Variants in RPRD1A observed in about 807,000 individuals in gnomAD.
The protein encoded by RPRD1A is regulation of nuclear pre-mRNA domain-containing protein 1A.
In RPRD1A, 9 loss-of-function variants were observed where a neutral mutation model predicts 37.8. The ratio of observed to expected loss-of-function variants is 0.24; its 90% confidence interval spans 0.14 to 0.42. The LOEUF is 0.42. Ranked by LOEUF, RPRD1A falls within the 10% of genes least tolerant of loss-of-function variation. The probability of loss-of-function intolerance (pLI) is 1.00; values close to 1 mark genes in which losing one functional copy is unlikely to be tolerated. For synonymous variants in RPRD1A, 138 were observed against 139.7 expected, an observed-to-expected ratio of 0.99 and a Z score of 0.08; for missense variants, 255 against 371.0, an observed-to-expected ratio of 0.69 and a Z score of 2.57.
chr18:36,002,424 A>AT (rs35951708), intron 6 of RPRD1A, among the ~76,000 whole-genome samples: 5 of 151,802 alleles, frequency 3.3e-5, no homozygotes, highest in African/African-American at 9.7e-5. Flanking sequence ...CATTCTTATT[A>AT]TTTTTTTTAC....
chr18:36,054,098 A>T (rs941988162), intron 1 of RPRD1A, among the ~76,000 whole-genome samples: 3 of 152,246 alleles, frequency 2.0e-5, no homozygotes, highest in Non-Finnish European at 4.4e-5. Context: ...CTACAAAAAA[A>T]GATCATCAAG....
intron 6 of RPRD1A, among the ~76,000 whole-genome samples, chr18:36,013,653 C>A (rs72883043): frequency 2.6e-3 from 398 of 152,248 alleles, no homozygotes; most frequent in Non-Finnish European, 4.4e-3. Flanking sequence ...CAAAGACCTG[C>A]GCCATTTTTG....
At chr18:36,045,616 C>CGG (rs1912897304) in intron 1 of RPRD1A, among the ~76,000 whole-genome samples, 1 of 152,200 alleles carries the variant, frequency 6.6e-6, no homozygotes, top group African/African-American at 2.4e-5. Flanking sequence ...ACTGAAAGCT[C>CGG]TATCACACCT....
intron 6 of RPRD1A, among the ~76,000 whole-genome samples, chr18:36,009,557 T>C (rs1334276215): frequency 6.6e-6 from 1 of 152,256 alleles, no homozygotes; most frequent in Non-Finnish European, 1.5e-5. Context: ...CTGTGAATAC[T>C]GCCTATTCTG....
rs542348601 is a variant in RPRD1A, at chr18:36,005,126, C to A, written c.790-11826G>T. Among the ~76,000 whole-genome samples, 5 of 152,116 alleles carry A rather than the reference C, an allele frequency of 3.3e-5. No homozygotes were observed. In the South Asian group the frequency reaches 1.0e-3, roughly 32 times the overall value. ...ACCATTGTGGCTAACACGGTGAAAC[C>A]CCGTCTCCGCTAAAAATACAAAAAA... is the stretch of plus-strand genomic sequence containing the variant. On this transcript the variant is annotated intron_variant, in intron 6 of 6. Transcript: ENST00000399022.
At chr18:36,042,392 C>T (rs1912643995) in intron 1 of RPRD1A, among the ~76,000 whole-genome samples, 1 of 152,188 alleles carries the variant, frequency 6.6e-6, no homozygotes, top group Non-Finnish European at 1.5e-5. Flanking sequence ...CTAATTTGAT[C>T]AACATTTACT....
At position 36,027,273 on chromosome 18, in the gene RPRD1A, T is replaced by G; in HGVS notation, c.524A>C (p.Asn175Thr). The G allele has an allele frequency of 1.2e-6, 2 of 1,613,674 alleles. No homozygotes were observed. Among genetic ancestry groups the G allele is most frequent in the Non-Finnish European group, 1.7e-6 (2 of 1,179,622 alleles). ...DLVRALQDLE[N>T]AASGDAAVHQ... Reference sequence around the variant, plus strand: ...AACTGCTGCATCACCTGAGGCTGCATTTTCCAGATCTTGTAATGCTCTAAC... The same window carrying G: ...AACTGCTGCATCACCTGAGGCTGCAGTTTCCAGATCTTGTAATGCTCTAAC... The change falls in exon 5 of 7, where the codon AAT becomes ACT. Residue 175 changes from asparagine to threonine, a missense_variant. Physicochemically the swap from Asn to Thr is moderately conservative, Grantham distance 65 (BLOSUM62 0). Around this residue, in one of 2 missense-constraint regions of RPRD1A, gnomAD observed 211 missense variants for 268.9 expected, o/e 0.78. Transcript: ENST00000399022.
At chr18:36,061,167 T>G (rs1410614238) in intron 1 of RPRD1A, among the ~76,000 whole-genome samples, 1 of 152,178 alleles carries the variant, frequency 6.6e-6, no homozygotes, top group African/African-American at 2.4e-5. Context: ...GATTTCCCTC[T>G]AACTAAAGAT....
At position 36,012,529 on chromosome 18, in the gene RPRD1A, AG is replaced by A. The variant is rs1910243804; in HGVS notation, c.789+14370del. Among the ~76,000 whole-genome samples the A allele has an allele frequency of 2.6e-5, 4 of 152,352 alleles. No homozygotes were observed. The South Asian group carries it at 6.2e-4, about 24-fold the overall frequency. On this transcript the variant is annotated intron_variant, in intron 6 of 6. Coordinates refer to ENST00000399022, the MANE Select transcript of RPRD1A (RefSeq NM_018170.5). ...AACATGCTATAGAGGTTTGTAGCCT[AG>A]AAGCAATAGGCTATACCATAAAGCC...
rs375823185 is a variant in RPRD1A, at chr18:35,991,498, G to A, written c.*1653C>T. On this transcript the variant is annotated 3_prime_UTR_variant, in exon 7 of 7. Transcript: ENST00000399022. ...CTATGATTAGTAACCTGTGAACCACGTTACAAGTGAAGGACATTCATGGTT... is the reference window on the plus strand; with the variant it reads ...CTATGATTAGTAACCTGTGAACCACATTACAAGTGAAGGACATTCATGGTT... 2.0e-5 allele frequency: 3 copies of A among 152,296 alleles called. No individual in the cohort carries two copies. The highest frequency in any genetic ancestry group is 6.5e-5 in the Admixed American group (1 of 15,294). The allele number at this position is 152,296 out of a possible 1,614,324, so 9.4% of individuals were successfully genotyped here.
At position 35,991,181 on chromosome 18, in the gene RPRD1A, A is replaced by G. The variant is rs1310388483; in HGVS notation, c.*1970T>C. On this transcript the variant is annotated 3_prime_UTR_variant, in exon 7 of 7. Coordinates refer to ENST00000399022, the MANE Select transcript of RPRD1A (RefSeq NM_018170.5). ...AAATGGAAAAAAATATATATTTTGA[A>G]TGGATAAATCACCACTTTAGCAGAT... The G allele has an allele frequency of 6.6e-6, 1 of 152,238 alleles. No individual in the cohort carries two copies. The highest frequency in any genetic ancestry group is 1.5e-5 in the Non-Finnish European group (1 of 68,038). 9.4% of individuals were successfully genotyped at this position (152,238 alleles called of 1,614,324 possible).
At chr18:36,035,652 T>C (rs1264612869) in intron 1 of RPRD1A, among the ~76,000 whole-genome samples, 1 of 152,188 alleles carries the variant, frequency 6.6e-6, no homozygotes, top group Admixed American at 6.5e-5. Context: ...TATTTTACAA[T>C]GTTAGCAGCA....
chr18:35,996,779 C>A (rs1909089601), intron 6 of RPRD1A, among the ~76,000 whole-genome samples: 1 of 151,784 alleles, frequency 6.6e-6, no homozygotes. Flanking sequence ...GAGTTTGAGA[C>A]CAGCCTGGGC....
At chr18:36,058,998 T>C (rs769181805) in intron 1 of RPRD1A, among the ~76,000 whole-genome samples, 2 of 152,156 alleles carry the variant, frequency 1.3e-5, no homozygotes, top group Non-Finnish European at 2.9e-5. Flanking sequence ...GCAAATATAA[T>C]TGGTTTTCAT....
chr18:36,049,058 C>G (rs1407030865), intron 1 of RPRD1A, among the ~76,000 whole-genome samples: 2 of 152,134 alleles, frequency 1.3e-5, no homozygotes, highest in Non-Finnish European at 2.9e-5. Flanking sequence ...TGCGCCACCA[C>G]TGCCGGCTAA....
chr18:36,030,821 C>T lies in RPRD1A; in HGVS notation c.473G>A (p.Ser158Asn). ...TAAAATTTCTACCTGTGGTGGTTCA[C>T]TTGGAGATCCCAGAGAGGAACAGTT... ...NENCSSLGSP[S>N]EPPQTLDLVR... Residue 158 changes from serine to asparagine, a missense_variant, in exon 4 of 7, where the codon AGT becomes AAT. Physicochemically the swap from Ser to Asn is conservative, Grantham distance 46. Around this residue, in one of 2 missense-constraint regions of RPRD1A, gnomAD observed 211 missense variants for 268.9 expected, o/e 0.78. Coordinates refer to ENST00000399022, the MANE Select transcript of RPRD1A (RefSeq NM_018170.5). 6.2e-7 allele frequency: 1 copy of T among 1,609,754 alleles called. No homozygotes were observed. The highest frequency in any genetic ancestry group is 1.3e-5 in the African/African-American group (1 of 74,902).
intron 6 of RPRD1A, chr18:36,026,550 G>A: frequency 5.5e-6 from 1 of 182,682 alleles, no homozygotes. Context: ...TCTCAAAACA[G>A]AAACTAAATA....
intron 3 of RPRD1A, 21 bp downstream of exon 3, chr18:36,030,970 A>G: frequency 2.5e-6 from 4 of 1,593,092 alleles, no homozygotes; most frequent in Non-Finnish European, 2.6e-6. Flanking sequence ...TCAAGGTAAG[A>G]GATCAGGATT....
At chr18:36,041,130 T>C (rs1314853206) in intron 1 of RPRD1A, among the ~76,000 whole-genome samples, 1 of 152,206 alleles carries the variant, frequency 6.6e-6, no homozygotes, top group Non-Finnish European at 1.5e-5. Flanking sequence ...TGTTCCTAAC[T>C]TTCTGGATAA....
Sources: allele counts gnomAD v4.1 joint callset (sites outside exome capture counted in the v4.1 genomes callset), GRCh38; gene constraint gnomAD v4.1.1; regional missense constraint gnomAD v4.1.1; transcripts MANE v1.5; gene names NCBI Gene and HGNC (gene_info 2026-07-23, HGNC 2026-07-21).